ABHD2: variants seen among roughly 807,000 people sequenced by gnomAD.
ABHD2 encodes abhydrolase domain containing 2, acylglycerol lipase.
In ABHD2, 20 loss-of-function variants were observed where a neutral mutation model predicts 48.1. The observed-to-expected ratio is 0.42, with a 90% CI of 0.29 to 0.60. The LOEUF (loss-of-function observed/expected upper bound fraction) is 0.60. Among genes scored for constraint, ABHD2 ranks in the 20% least tolerant of loss-of-function variants. The pLI, the probability that ABHD2 is intolerant of heterozygous loss-of-function variation, is 0.24. For synonymous variants in ABHD2, 209 were observed against 214.2 expected (o/e 0.98, Z 0.21); for missense variants, 405 against 550.9 (o/e 0.74, Z 2.65).
chr15:89,189,043 CT>C lies in ABHD2; in HGVS notation c.926+741del, dbSNP rs546602770. ...TCATTCATCTACTCTTTATCTGCCT[CT>C]CTCCTCCAGGCACCTGAGGTTGCAG... is the stretch of plus-strand genomic sequence containing the variant. On this transcript the variant is annotated intron_variant, in intron 8 of 10. Coordinates refer to ENST00000352732, the MANE Select transcript of ABHD2 (RefSeq NM_152924.5). The surrounding 1 kb of genome is among the most constrained non-coding windows in gnomAD (Gnocchi z 4.9). 1.3e-4 allele frequency among the ~76,000 whole-genome samples: 20 copies of C among 152,352 alleles called. No homozygotes were observed. In the East Asian group the frequency reaches 3.7e-3, roughly 28 times the overall value.
chr15:89,105,187 T>C (rs913520571), intron 1 of ABHD2, among the ~76,000 whole-genome samples: 2 of 152,236 alleles, frequency 1.3e-5, no homozygotes, highest in African/African-American at 2.4e-5. Context: ...GCAGGGTTAT[T>C]TGCTAGTGGA....
intron 4 of ABHD2, among the ~76,000 whole-genome samples, chr15:89,153,700 A>C (rs7182418): frequency 0.019 from 2,956 of 152,308 alleles, 82 homozygotes; most frequent in African/African-American, 0.067. Flanking sequence ...TTTTCTGACT[A>C]TAAAAGAAGT....
rs1416628756 is a variant in ABHD2, at chr15:89,092,615, G to A, written c.-107+4052G>A. 6.6e-6 allele frequency among the ~76,000 whole-genome samples: 1 copy of A among 152,214 alleles called. No homozygotes were observed. The highest frequency in any genetic ancestry group is 2.4e-5 in the African/African-American group (1 of 41,454). On this transcript the variant is annotated intron_variant, in intron 1 of 10. Coordinates refer to ENST00000352732, the MANE Select transcript of ABHD2 (RefSeq NM_152924.5). The surrounding 1 kb of genome is among the most constrained non-coding windows in gnomAD (Gnocchi z 4.4). ...GACCCCTGATCCTCAGAGGCAACCA[G>A]TATTAGCGATTTCTTCATCCTCCAG... is the stretch of plus-strand genomic sequence containing the variant.
chr15:89,174,275 A>G lies in ABHD2; in HGVS notation c.539-1537A>G, dbSNP rs1374010593. ...CTGGTATTTTTAAAAAGAATATAGG[A>G]AACTTACCTTTCACTCCATCTTTTA... On this transcript the variant is annotated intron_variant, in intron 5 of 10. Coordinates refer to ENST00000352732, the MANE Select transcript of ABHD2 (RefSeq NM_152924.5). The surrounding 1 kb of genome is among the most constrained non-coding windows in gnomAD (Gnocchi z 4.1). Among the ~76,000 whole-genome samples, 1 of 152,206 alleles carries G rather than the reference A, an allele frequency of 6.6e-6. No individual in the cohort carries two copies. The highest frequency in any genetic ancestry group is 2.4e-5 in the African/African-American group (1 of 41,440).
At chr15:89,153,538 G>A (rs963651945) in intron 4 of ABHD2, among the ~76,000 whole-genome samples, 10 of 152,196 alleles carry the variant, frequency 6.6e-5, no homozygotes, top group South Asian at 2.1e-4. Context: ...AAGTTGAAAA[G>A]GGCAGAAGAG....
At chr15:89,172,800 C>T (rs1051869558) in intron 5 of ABHD2, among the ~76,000 whole-genome samples, 1 of 152,144 alleles carries the variant, frequency 6.6e-6, no homozygotes, top group Non-Finnish European at 1.5e-5. Flanking sequence ...CCCAAGGTAA[C>T]GGTATTTTGC....
the ABHD2 span, among the ~76,000 whole-genome samples, chr15:89,069,019 A>G: frequency 4.1e-4 from 62 of 151,544 alleles, no homozygotes; most frequent in Middle Eastern, 0.021. Flanking sequence ...CACTCACCTC[A>G]GCCTCCCAAA....
chr15:89,201,454 G>A lies in ABHD2; in HGVS notation c.*6031G>A. Reference sequence around the variant, plus strand: ...CCATTTGGAATCCATTAATTCATGAGGTTTTGCCTCATTCCACACAGCTTC... The same window carrying A: ...CCATTTGGAATCCATTAATTCATGAAGTTTTGCCTCATTCCACACAGCTTC... On this transcript the variant is annotated 3_prime_UTR_variant, in exon 11 of 11. Coordinates refer to ENST00000352732, the MANE Select transcript of ABHD2 (RefSeq NM_152924.5). 2.1e-6 allele frequency: 3 copies of A among 1,416,404 alleles called. No homozygotes were observed. The highest frequency in any genetic ancestry group is 3.0e-6 in the Non-Finnish European group (3 of 1,009,500). The allele number at this position is 1,416,404 out of a possible 1,614,324, so 87.7% of individuals were successfully genotyped here. A position where few individuals can be genotyped will look rare whatever the true frequency, so the allele number is the denominator to read the frequency against.
Position 89,151,707 on chromosome 15 carries a change from T to G in ABHD2, c.225T>G (p.Ser75Arg), listed in dbSNP as rs776019222. ...EYIPPLIWGK[S>R]GHIQTALYGK... is the part of the protein sequence containing the mutation. ...TTCCACCGTTGATCTGGGGGAAAAGTGGACACATCCAGACAGCCTTGTATG... is the reference window on the plus strand; with the variant it reads ...TTCCACCGTTGATCTGGGGGAAAAGGGGACACATCCAGACAGCCTTGTATG... Residue 75 changes from serine (S) to arginine (R), a missense_variant, in exon 4 of 11, where the codon AGT (serine) becomes AGG (arginine). Ser to Arg is a moderately radical substitution (Grantham distance 110, BLOSUM62 -1). Transcript: ENST00000352732. This position sits in a 1 kb window ranked among gnomAD's most constrained non-coding sequence, Gnocchi z 4.7. The G allele has an allele frequency of 6.2e-7, 1 of 1,614,152 alleles. No homozygotes were observed. The highest frequency in any genetic ancestry group is 8.5e-7 in the Non-Finnish European group (1 of 1,180,004).
At chr15:89,117,384 A>G (rs564077753) in intron 3 of ABHD2, among the ~76,000 whole-genome samples, 1 of 152,322 alleles carries the variant, frequency 6.6e-6, no homozygotes, top group African/African-American at 2.4e-5. Context: ...AGGAAACTGT[A>G]GTTGTAAAAT....
In ABHD2 at chr15:89,168,375, A is replaced by C. The variant is rs1451826881; in HGVS notation, c.539-7437A>C. Among the ~76,000 whole-genome samples the C allele has an allele frequency of 6.6e-6, 1 of 152,230 alleles. No individual in the cohort carries two copies. Among genetic ancestry groups the C allele is most frequent in the African/African-American group, 2.4e-5 (1 of 41,454 alleles). On this transcript the variant is annotated intron_variant, in intron 5 of 10. Coordinates refer to ENST00000352732, the MANE Select transcript of ABHD2 (RefSeq NM_152924.5). The surrounding 1 kb of genome is among the most constrained non-coding windows in gnomAD (Gnocchi z 4.8). ...AATTAAATACATAGAGCCTCATTTA[A>C]AAACAGATTAATGTAGCTGTTAGTA...
In ABHD2 at chr15:89,193,225, C is replaced by G; in HGVS notation, c.997-10C>G. On this transcript the variant is annotated splice_polypyrimidine_tract_variant and intron_variant, in intron 9 of 10. Coordinates refer to ENST00000352732, the MANE Select transcript of ABHD2 (RefSeq NM_152924.5). Reference sequence around the variant, plus strand: ...CAGTAGTTTAATTCTGCTTTATGTTCTTGTTGCAGATTTATGTTCCTCTCA... The same window carrying G: ...CAGTAGTTTAATTCTGCTTTATGTTGTTGTTGCAGATTTATGTTCCTCTCA... 1 of 1,613,872 alleles carries G rather than the reference C, an allele frequency of 6.2e-7. No homozygotes were observed. Among genetic ancestry groups the G allele is most frequent in the Non-Finnish European group, 8.5e-7 (1 of 1,179,734 alleles).
Position 89,164,249 on chromosome 15 carries a change from G to T in ABHD2, c.538+8715G>T, listed in dbSNP as rs775878003. Among the ~76,000 whole-genome samples the T allele has an allele frequency of 1.3e-5, 2 of 152,102 alleles. No individual in the cohort carries two copies. The highest frequency in any genetic ancestry group is 4.8e-5 in the African/African-American group (2 of 41,420). On this transcript the variant is annotated intron_variant, in intron 5 of 10. Transcript: ENST00000352732. This position sits in a 1 kb window ranked among gnomAD's most constrained non-coding sequence, Gnocchi z 5.0. Reference sequence around the variant, plus strand: ...GGAAGGAGGGTGCACAGTCACAGTCGGTCTAAGCTTATTGGCTAGGTTTGT... The same window carrying T: ...GGAAGGAGGGTGCACAGTCACAGTCTGTCTAAGCTTATTGGCTAGGTTTGT...
rs2049794521 is a variant in ABHD2 at position 89,106,879 on chromosome 15, G to T, written c.-106-6846G>T. Among the ~76,000 whole-genome samples, 1 of 152,208 alleles carries T rather than the reference G, an allele frequency of 6.6e-6. No individual in the cohort carries two copies. Among genetic ancestry groups the T allele is most frequent in the Non-Finnish European group, 1.5e-5 (1 of 68,042 alleles). ...GTCTTTGCAGATGTAATCAAGTTAA[G>T]ATGGGGTTGTACTTTTATCTAAGCT... On this transcript the variant is annotated intron_variant, in intron 1 of 10. Coordinates refer to ENST00000352732, the MANE Select transcript of ABHD2 (RefSeq NM_152924.5). This position sits in a 1 kb window ranked among gnomAD's most constrained non-coding sequence, Gnocchi z 4.2.
chr15:89,138,616 C>T (rs538791578), intron 3 of ABHD2, among the ~76,000 whole-genome samples: 10 of 152,174 alleles, frequency 6.6e-5, no homozygotes, highest in African/African-American at 2.4e-4. Flanking sequence ...ACATGCAAAA[C>T]GAAAGAAATG....
Position 89,166,156 on chromosome 15 carries a change from T to G in ABHD2, c.539-9656T>G, listed in dbSNP as rs190633727. 3.0e-4 allele frequency among the ~76,000 whole-genome samples: 46 copies of G among 152,340 alleles called. No homozygotes were observed. The highest frequency in any genetic ancestry group is 3.4e-3 in the Middle Eastern group (1 of 294). On this transcript the variant is annotated intron_variant, in intron 5 of 10. Coordinates refer to ENST00000352732, the MANE Select transcript of ABHD2 (RefSeq NM_152924.5). This position sits in a 1 kb window ranked among gnomAD's most constrained non-coding sequence, Gnocchi z 4.6. ...AGGATTAAAAACAATATCTTCTATG[T>G]CAAGTGAAAGGAATAAAAATAACCT...
chr15:89,057,617 A>C, the ABHD2 span, among the ~76,000 whole-genome samples: 1 of 152,156 alleles, frequency 6.6e-6, no homozygotes, highest in Non-Finnish European at 1.5e-5. Flanking sequence ...TGCCTGGTGC[A>C]TGGGCTCCTG....
Position 89,114,173 on chromosome 15 carries a change from G to A in ABHD2, c.-7+349G>A, listed in dbSNP as rs1206260909. ...TGTTTGGCATCCGTGGCAGGGTTTGGACAAGGTGAGGAATGGCAGCCACAG... is the reference window on the plus strand; with the variant it reads ...TGTTTGGCATCCGTGGCAGGGTTTGAACAAGGTGAGGAATGGCAGCCACAG... On this transcript the variant is annotated intron_variant, in intron 2 of 10. Coordinates refer to ENST00000352732, the MANE Select transcript of ABHD2 (RefSeq NM_152924.5). This position sits in a 1 kb window ranked among gnomAD's most constrained non-coding sequence, Gnocchi z 4.2. 6.6e-6 allele frequency among the ~76,000 whole-genome samples: 1 copy of A among 152,186 alleles called. No homozygotes were observed. The highest frequency in any genetic ancestry group is 2.4e-5 in the African/African-American group (1 of 41,448).
At chr15:89,147,164 G>A (rs2050505680) in intron 3 of ABHD2, among the ~76,000 whole-genome samples, 1 of 152,276 alleles carries the variant, frequency 6.6e-6, no homozygotes, top group South Asian at 2.1e-4. Flanking sequence ...ACTGAAAGTA[G>A]GGAAACGATA....
Sources: gnomAD v4.1 joint callset for allele counts (sites outside exome capture counted in the v4.1 genomes callset) on GRCh38, gnomAD v4.1.1 for gene constraint, Gnocchi (gnomAD v3.1) non-coding constraint, MANE v1.5 for transcripts, NCBI Gene and HGNC (gene_info 2026-07-23, HGNC 2026-07-21) for gene names.